The following SEC13 variants were observed in gnomAD, a reference collection of about 807,000 sequenced individuals.
SEC13 encodes SEC13 homolog, nuclear pore and COPII component.
A neutral mutation model predicts 49.2 loss-of-function variants in SEC13; 25 were observed. The observed-to-expected ratio is 0.51, with a 90% CI of 0.37 to 0.71. The LOEUF (loss-of-function observed/expected upper bound fraction) is 0.71. SEC13 is among the 30% of genes least tolerant of loss of function. The pLI is 0.00. For missense variants in SEC13, 383 were observed against 417.6 expected, an observed-to-expected ratio of 0.92 and a Z score of 0.72; for synonymous variants, 148 against 163.9, an observed-to-expected ratio of 0.90 and a Z score of 0.74.
chr3:10,304,554 C>T (rs1177436474), intron 7 of SEC13, among the ~76,000 whole-genome samples: 1 of 152,094 alleles, frequency 6.6e-6, no homozygotes, highest in Non-Finnish European at 1.5e-5. Context: ...CACAAAAATC[C>T]CAAGTTTAGA....
intron 8 of SEC13, chr3:10,303,470 C>T (rs189392786): frequency 3.1e-5 from 5 of 159,376 alleles, no homozygotes; most frequent in Non-Finnish European, 5.5e-5. Context: ...TTTAACTGCA[C>T]AGTCCAGTTG....
chr3:10,301,507 A>G, intron 8 of SEC13, 133 bp from the exon 9 acceptor site: 1 of 1,147,784 alleles, frequency 8.7e-7, no homozygotes, highest in East Asian at 2.6e-5. Context: ...TCCCTCCTCC[A>G]CTGAAATCTC....
At chr3:10,315,279 A>G in intron 3 of SEC13, 42 bp downstream of exon 3, 2 of 1,434,936 alleles carry the variant, frequency 1.4e-6, no homozygotes, top group South Asian at 2.3e-5. Flanking sequence ...CTGAGAACCC[A>G]CACCATTCCT....
chr3:10,312,727 A>G lies in SEC13; in HGVS notation c.168T>C (p.His56=), dbSNP rs1171063877. The G allele has an allele frequency of 6.2e-7, 1 of 1,614,176 alleles. No individual in the cohort carries two copies. Among genetic ancestry groups the G allele is most frequent in the South Asian group, 1.1e-5 (1 of 91,086 alleles). Residue 56 remains histidine (H), a synonymous_variant, in exon 4 of 9, where the codon CAT becomes CAC. Coordinates refer to ENST00000350697, the MANE Select transcript of SEC13 (RefSeq NM_183352.3). ...AGGCCACTTGCCACACAGGACCCTC[A>G]TGACTACAAAGGGAGAGATAGGCCA... ...GQILIADLRG[H]EGPVWQVAWA...
intron 5 of SEC13, among the ~76,000 whole-genome samples, chr3:10,306,239 T>C (rs537001847): frequency 6.6e-6 from 1 of 152,318 alleles, no homozygotes; most frequent in African/African-American, 2.4e-5. Context: ...CTCCTCTGAT[T>C]TTTTTCCTTA....
chr3:10,305,530 C>T (rs1398231909), intron 6 of SEC13, 29 bp downstream of exon 6: 1 of 1,610,802 alleles, frequency 6.2e-7, no homozygotes, highest in Non-Finnish European at 8.5e-7. Flanking sequence ...AGTGTCCCCT[C>T]AAAGAGAAGG....
rs540683932 is a variant in SEC13 at position 10,314,945 on chromosome 3, T to G, written c.164+376A>C. On this transcript the variant is annotated intron_variant, in intron 3 of 8. Transcript: ENST00000350697. ...AGCAGTAGCTGCCTGCACTAAAGAC[T>G]TACTGTGTCCTGGGCCCTGTGTCAG... 5.1e-5 allele frequency: 9 copies of G among 176,222 alleles called. No individual in the cohort carries two copies. In the South Asian group the frequency reaches 1.4e-3, roughly 27 times the overall value. The allele number at this position is 176,222 out of a possible 1,614,324, so 10.9% of individuals were successfully genotyped here. A position where few individuals can be genotyped will look rare whatever the true frequency, so the allele number is the denominator to read the frequency against.
chr3:10,312,375 C>T (rs1405323101), intron 4 of SEC13, among the ~76,000 whole-genome samples: 2 of 152,228 alleles, frequency 1.3e-5, no homozygotes, highest in Non-Finnish European at 2.9e-5. Flanking sequence ...AAGAGAAACT[C>T]ACCTGTCTTT....
Position 10,305,547 on chromosome 3 carries a change from A to C in SEC13, c.584+12T>G. On this transcript the variant is annotated intron_variant, in intron 6 of 8. Coordinates refer to ENST00000350697, the MANE Select transcript of SEC13 (RefSeq NM_183352.3). ...TGTCCCCTCAAAGAGAAGGCCACAC[A>C]TCCCTACTTACTTCCACAGCTTGAT... 6.2e-7 allele frequency: 1 copy of C among 1,613,256 alleles called. No homozygotes were observed. The highest frequency in any genetic ancestry group is 1.3e-5 in the African/African-American group (1 of 75,046).
At chr3:10,302,997 A>AG (rs1477435251) in intron 8 of SEC13, among the ~76,000 whole-genome samples, 3 of 152,104 alleles carry the variant, frequency 2.0e-5, no homozygotes, top group Non-Finnish European at 4.4e-5. Flanking sequence ...ATTCACATAG[A>AG]CAGAAAGGAG....
chr3:10,319,057 T>C (rs1346128451), intron 1 of SEC13: 2 of 1,298,504 alleles, frequency 1.5e-6, no homozygotes, highest in African/African-American at 3.0e-5. Flanking sequence ...TTTTTTTCTT[T>C]GCTCAACCAC....
intron 7 of SEC13, among the ~76,000 whole-genome samples, chr3:10,304,626 G>A (rs922988859): frequency 2.0e-5 from 3 of 152,182 alleles, no homozygotes; most frequent in African/African-American, 7.2e-5. Flanking sequence ...GGGTGGTGGT[G>A]TATAACTGAA....
intron 5 of SEC13, 171 bp downstream of exon 5, chr3:10,311,794 T>C: frequency 6.8e-7 from 1 of 1,469,494 alleles, no homozygotes; most frequent in Non-Finnish European, 9.0e-7. Flanking sequence ...CTGGTCTGGC[T>C]TCAGGGCAGA....
intron 5 of SEC13, among the ~76,000 whole-genome samples, chr3:10,308,792 T>A (rs1279261558): frequency 7.1e-4 from 1 of 1,406 alleles, no homozygotes. Flanking sequence ...CTGAGTTGAA[T>A]TTTTTTTTTT....
intron 3 of SEC13, chr3:10,313,112 T>A (rs1701386378): frequency 4.2e-6 from 1 of 236,952 alleles, no homozygotes; most frequent in Non-Finnish European, 8.6e-6. Context: ...TAGACTGAAT[T>A]GCTATTCATC....
rs879111050 is a variant in SEC13, at chr3:10,300,950, A to T, written c.*311T>A. The T allele has an allele frequency of 1.1e-6, 1 of 877,466 alleles. No homozygotes were observed. The highest frequency in any genetic ancestry group is 1.8e-6 in the Non-Finnish European group (1 of 557,284). The allele number at this position is 877,466 out of a possible 1,614,324, so 54.4% of individuals were successfully genotyped here. On this transcript the variant is annotated 3_prime_UTR_variant, in exon 9 of 9. Coordinates refer to ENST00000350697, the MANE Select transcript of SEC13 (RefSeq NM_183352.3). ...CAGGAATTATAAGCAATATGACTTT[A>T]TTTAGTTCCTTTGGAAACAAAACCC... is the stretch of plus-strand genomic sequence containing the variant.
Position 10,321,087 on chromosome 3 carries a change from G to T in SEC13, c.-35C>A. 1.4e-5 allele frequency: 22 copies of T among 1,612,454 alleles called. No homozygotes were observed. Among genetic ancestry groups the T allele is most frequent in the Non-Finnish European group, 1.9e-5 (22 of 1,179,560 alleles). The stretch of plus-strand genomic sequence containing the variant: ...GGTGGCTGCTCCAGGTCTCGGACGT[G>T]GCAGCTCCCGGCGGCGCCTCGGAAC... On this transcript the variant is annotated 5_prime_UTR_variant, in exon 1 of 9. Transcript: ENST00000350697. This position sits in a 1 kb window ranked among gnomAD's most constrained non-coding sequence, Gnocchi z 4.1.
intron 5 of SEC13, chr3:10,311,620 TTA>T: frequency 9.1e-7 from 1 of 1,097,544 alleles, no homozygotes; most frequent in East Asian, 6.8e-5. Flanking sequence ...CACATACTTT[TTA>T]AAAGTTTTAA....
At chr3:10,316,268 C>A (rs696219) in intron 2 of SEC13, among the ~76,000 whole-genome samples, 64,059 of 151,814 alleles carry the variant, frequency 0.42, 14,695 homozygotes, top group East Asian at 0.93. Flanking sequence ...AATGGATGTC[C>A]CTTTCCCCAG....
Sources: gnomAD v4.1 joint callset for allele counts (sites outside exome capture counted in the v4.1 genomes callset) on GRCh38, gnomAD v4.1.1 for gene constraint, Gnocchi (gnomAD v3.1) non-coding constraint, MANE v1.5 for transcripts, NCBI Gene and HGNC (gene_info 2026-07-23, HGNC 2026-07-21) for gene names.